Variants in DNAH14 observed in about 807,000 individuals in gnomAD.
DNAH14 encodes the protein dynein axonemal heavy chain 14.
A neutral mutation model predicts 520.9 loss-of-function variants in DNAH14; 478 were observed. That is an observed-to-expected ratio of 0.92 (90% CI 0.85 to 0.99). The LOEUF (loss-of-function observed/expected upper bound fraction) is 0.99. DNAH14 is among the 50% of genes least tolerant of loss of function. DNAH14 has a pLI of 0.00. For missense variants in DNAH14, 4,831 were observed against 5,234.5 expected, an observed-to-expected ratio of 0.92 and a Z score of 2.38; for synonymous variants, 1,581 against 1,757.2, an observed-to-expected ratio of 0.90 and a Z score of 2.51.
intron 43 of DNAH14, among the ~76,000 whole-genome samples, chr1:225,250,038 T>C (rs1056583409): frequency 1.3e-5 from 2 of 152,256 alleles, no homozygotes; most frequent in African/African-American, 2.4e-5. Flanking sequence ...TTTTATGCAT[T>C]ATATGCAAGT....
At chr1:225,224,179 C>T (rs1349300139) in intron 41 of DNAH14, among the ~76,000 whole-genome samples, 2 of 151,924 alleles carry the variant, frequency 1.3e-5, no homozygotes, top group East Asian at 3.9e-4. Context: ...GTTACGAATC[C>T]TGTTTCCTAT....
At chr1:225,309,677 G>A (rs990555334) in intron 60 of DNAH14, among the ~76,000 whole-genome samples, 2 of 152,106 alleles carry the variant, frequency 1.3e-5, no homozygotes, top group Non-Finnish European at 2.9e-5. Flanking sequence ...GGTAGATTAC[G>A]AGGTGAGGAA....
chr1:225,388,495 T>C lies in DNAH14; in HGVS notation c.13190+4T>C, dbSNP rs746900344. 1.4e-6 allele frequency: 2 copies of C among 1,454,298 alleles called. No individual in the cohort carries two copies. The highest frequency in any genetic ancestry group is 1.3e-5 in the South Asian group (1 of 76,728). 90.1% of individuals were successfully genotyped at this position (1,454,298 alleles called of 1,614,324 possible). On this transcript the variant is annotated splice_donor_region_variant and intron_variant, in intron 82 of 85. Coordinates refer to ENST00000682510, the MANE Select transcript of DNAH14 (RefSeq NM_001367479.1). ...CTTATACTGCAATACAGCGTCGGTA[T>C]GGATAAAAGATGCTTTACATTTCTT... is the stretch of plus-strand genomic sequence containing the variant.
At chr1:225,019,149 C>CAACT (rs2065449380) in intron 10 of DNAH14, among the ~76,000 whole-genome samples, 1 of 152,088 alleles carries the variant, frequency 6.6e-6, no homozygotes, top group Non-Finnish European at 1.5e-5. Flanking sequence ...AAGCAAGACC[C>CAACT]AACTGTCTGC....
chr1:225,344,269 T>C (rs886991386), intron 69 of DNAH14, among the ~76,000 whole-genome samples: 6 of 152,050 alleles, frequency 3.9e-5, no homozygotes, highest in East Asian at 1.9e-4. Flanking sequence ...AAGTGCAGGT[T>C]TGTTACATAG....
At chr1:225,303,039 C>A in intron 56 of DNAH14, 117 bp from the exon 57 acceptor site, 1 of 778,488 alleles carries the variant, frequency 1.3e-6, no homozygotes, top group Non-Finnish European at 2.0e-6. Flanking sequence ...AATGATCAGT[C>A]CCTGATCTAC....
At chr1:225,073,747 G>A (rs190533068) in intron 17 of DNAH14, among the ~76,000 whole-genome samples, 17 of 152,050 alleles carry the variant, frequency 1.1e-4, no homozygotes, top group Admixed American at 3.3e-4. Context: ...GTGCAGTGGC[G>A]CAATCTCGGC....
chr1:225,181,530 G>A (rs1037659189), intron 36 of DNAH14, among the ~76,000 whole-genome samples: 3 of 152,292 alleles, frequency 2.0e-5, no homozygotes, highest in East Asian at 3.9e-4. Context: ...TCAAATTGAT[G>A]TGAAACCAAT....
At chr1:225,256,957 G>C (rs1176912083) in intron 44 of DNAH14, among the ~76,000 whole-genome samples, 1 of 152,096 alleles carries the variant, frequency 6.6e-6, no homozygotes, top group Non-Finnish European at 1.5e-5. Context: ...AGCATTTTAA[G>C]AGGAAAATTG....
At chr1:225,016,898 T>C (rs2065259264) in intron 10 of DNAH14, among the ~76,000 whole-genome samples, 2 of 152,044 alleles carry the variant, frequency 1.3e-5, no homozygotes, top group Admixed American at 1.3e-4. Context: ...ATTTGGTTCT[T>C]TTCTATGATA....
chr1:225,151,794 A>C (rs1007751734), intron 31 of DNAH14: 2 of 656,762 alleles, frequency 3.0e-6, no homozygotes, highest in Non-Finnish European at 5.4e-6. Context: ...GACATAATCA[A>C]ATACATCTGA....
At chr1:225,051,861 A>G (rs2068567789) in intron 17 of DNAH14, 66 bp downstream of exon 17, 7 of 1,128,852 alleles carry the variant, frequency 6.2e-6, no homozygotes, top group Non-Finnish European at 8.6e-6. Context: ...AATTTAAAAT[A>G]TGTACTTAGA....
intron 17 of DNAH14, among the ~76,000 whole-genome samples, chr1:225,057,726 T>A (rs1308516760): frequency 6.6e-6 from 1 of 152,168 alleles, no homozygotes. Flanking sequence ...TTATTGAGAG[T>A]TCTTAGCATG....
chr1:225,384,692 C>T (rs1220774310), intron 81 of DNAH14, among the ~76,000 whole-genome samples: 2 of 151,994 alleles, frequency 1.3e-5, no homozygotes, highest in Non-Finnish European at 2.9e-5. Flanking sequence ...AAGTTAAATC[C>T]CTGAATAGAC....
chr1:225,291,497 G>A (rs998404162), intron 55 of DNAH14, among the ~76,000 whole-genome samples: 29 of 151,930 alleles, frequency 1.9e-4, no homozygotes, highest in African/African-American at 7.0e-4. Context: ...GCTCACTGAA[G>A]CCCCGACCTC....
intron 15 of DNAH14, among the ~76,000 whole-genome samples, chr1:225,046,825 T>A (rs1203022516): frequency 6.6e-6 from 1 of 152,218 alleles, no homozygotes; most frequent in East Asian, 1.9e-4. Context: ...GTTATTTATT[T>A]TGTTGCTCAA....
chr1:225,040,241 A>G (rs1378783673), intron 12 of DNAH14, among the ~76,000 whole-genome samples: 3 of 152,086 alleles, frequency 2.0e-5, no homozygotes, highest in Admixed American at 1.3e-4. Context: ...GCCCGGCCAT[A>G]TCTTTTCTTT....
At chr1:225,000,834 A>T (rs1189093174) in intron 8 of DNAH14, among the ~76,000 whole-genome samples, 1 of 151,868 alleles carries the variant, frequency 6.6e-6, no homozygotes, top group African/African-American at 2.4e-5. Flanking sequence ...TTTAATTCTA[A>T]AATTTCCATT....
At chr1:225,192,273 A>G (rs1229863590) in intron 37 of DNAH14, among the ~76,000 whole-genome samples, 1 of 152,134 alleles carries the variant, frequency 6.6e-6, no homozygotes, top group Non-Finnish European at 1.5e-5. Flanking sequence ...GAGATACATA[A>G]AACGAGACCA....
Sources: allele counts gnomAD v4.1 joint callset (sites outside exome capture counted in the v4.1 genomes callset), GRCh38; gene constraint gnomAD v4.1.1; transcripts MANE v1.5; gene names NCBI Gene and HGNC (gene_info 2026-07-23, HGNC 2026-07-21).